The following ESRRG variants were observed in gnomAD, a reference collection of about 807,000 sequenced individuals.
ESRRG encodes the protein estrogen related receptor gamma.
Under a neutral mutation model 44.0 loss-of-function variants are expected in ESRRG, and 13 were observed. The ratio of observed to expected loss-of-function variants is 0.30; its 90% CI spans 0.19 to 0.47. The LOEUF is 0.47. Ranked by LOEUF, ESRRG falls within the 20% of genes least tolerant of loss-of-function variation. ESRRG has a pLI of 1.00. For synonymous variants in ESRRG, 215 were observed against 214.6 expected (o/e 1.00, Z -0.02); for missense variants, 395 against 580.6 (o/e 0.68, Z 3.29).
At chr1:216,653,915 A>G (rs1029801424) in intron 2 of ESRRG, among the ~76,000 whole-genome samples, 7 of 151,304 alleles carry the variant, frequency 4.6e-5, no homozygotes, top group Non-Finnish European at 1.0e-4. Flanking sequence ...GGAGTTCAAG[A>G]CCAGCTTGGC....
At chr1:217,133,631 T>TTCTTTCTTTCTTTCTTTCTTTC (rs1491192210) in intron 1 of ESRRG, among the ~76,000 whole-genome samples, 11 of 58,446 alleles carry the variant, frequency 1.9e-4, no homozygotes, top group Non-Finnish European at 3.5e-4. Context: ...CTTTCTTTCT[T>TTCTTTCTTTCTTTCTTTCTTTC]TCTCTCTCTC....
chr1:216,688,780 TCACTTTCAGAA>T (rs775270034), intron 1 of ESRRG, among the ~76,000 whole-genome samples: 2 of 152,178 alleles, frequency 1.3e-5, no homozygotes, highest in Non-Finnish European at 2.9e-5. Flanking sequence ...TCAAGTTTAG[TCACTTTCAGAA>T]CTGGCTATAA....
chr1:217,081,013 GT>G (rs908487144), intron 1 of ESRRG, among the ~76,000 whole-genome samples: 15 of 152,026 alleles, frequency 9.9e-5, no homozygotes, highest in Non-Finnish European at 1.9e-4. Context: ...AAAGTGTAGA[GT>G]TTTGTTGATC....
intron 2 of ESRRG, among the ~76,000 whole-genome samples, chr1:216,776,576 T>TA (rs36068875): frequency 1.3e-5 from 2 of 152,142 alleles, no homozygotes; most frequent in Non-Finnish European, 2.9e-5. Context: ...AATTATGGAA[T>TA]AAAAAAATGC....
intron 1 of ESRRG, among the ~76,000 whole-genome samples, chr1:216,953,148 T>A (rs1297154180): frequency 1.3e-5 from 2 of 152,138 alleles, no homozygotes; most frequent in Non-Finnish European, 2.9e-5. Flanking sequence ...AGTTCCTCCA[T>A]GCAGAAAGGT....
At chr1:217,102,866 C>T (rs966916083) in intron 1 of ESRRG, among the ~76,000 whole-genome samples, 36 of 151,506 alleles carry the variant, frequency 2.4e-4, no homozygotes, top group East Asian at 1.9e-4. Context: ...CATGTAGGGG[C>T]GGGTGGGAAG....
intron 2 of ESRRG, among the ~76,000 whole-genome samples, chr1:216,857,547 A>C (rs765917454): frequency 3.3e-5 from 5 of 152,008 alleles, no homozygotes; most frequent in East Asian, 1.9e-4. Flanking sequence ...TTTAAAAATA[A>C]ACATTAAAAG....
chr1:216,759,331 G>A (rs1248679243), intron 2 of ESRRG, among the ~76,000 whole-genome samples: 1 of 151,992 alleles, frequency 6.6e-6, no homozygotes, highest in African/African-American at 2.4e-5. Flanking sequence ...GCTTAACGGA[G>A]GGGCTCTGTC....
At chr1:216,877,379 GTTTT>G (rs72314566) in intron 2 of ESRRG, among the ~76,000 whole-genome samples, 1 of 141,052 alleles carries the variant, frequency 7.1e-6, no homozygotes, top group African/African-American at 2.5e-5. Context: ...TAGGTATGGT[GTTTT>G]TTTTTGTTTG....
chr1:216,723,590 C>A, upstream of ESRRG: 1 of 422,516 alleles, frequency 2.4e-6, no homozygotes, highest in South Asian at 3.4e-5. Flanking sequence ...GCGAGAGGAG[C>A]CAGGCAGGTA....
intron 1 of ESRRG, among the ~76,000 whole-genome samples, chr1:216,700,943 G>A (rs2081278956): frequency 6.6e-6 from 1 of 152,092 alleles, no homozygotes; most frequent in Non-Finnish European, 1.5e-5. Context: ...AGGCTGATAA[G>A]GAGTCACACA....
rs183656294 is a variant in ESRRG, at chr1:217,105,182, T to C, written c.-230+32485A>G. Reference sequence around the variant, plus strand: ...CATGATCACCCTTCCTTTGGCCTTGTGGTGACTGGTATCCTAACTTCAATA... The same window carrying C: ...CATGATCACCCTTCCTTTGGCCTTGCGGTGACTGGTATCCTAACTTCAATA... On this transcript the variant is annotated intron_variant, in intron 1 of 8. Transcript: ENST00000366940. Among the ~76,000 whole-genome samples the C allele has an allele frequency of 7.8e-4, 119 of 152,314 alleles. 1 individual carries two copies. The highest frequency in any genetic ancestry group is 1.4e-3 in the Non-Finnish European group (97 of 68,018).
chr1:216,658,805 C>T (rs956358210), intron 2 of ESRRG, among the ~76,000 whole-genome samples: 37 of 149,310 alleles, frequency 2.5e-4, no homozygotes, highest in African/African-American at 9.2e-4. Context: ...TGCAGCCCAG[C>T]CTGGGTGTGA....
intron 3 of ESRRG, among the ~76,000 whole-genome samples, chr1:216,594,033 T>C (rs1165366790): frequency 2.0e-5 from 3 of 152,168 alleles, no homozygotes; most frequent in African/African-American, 2.4e-5. Context: ...TTTAATAGTA[T>C]GAATTCTGAA....
intron 2 of ESRRG, among the ~76,000 whole-genome samples, chr1:216,803,152 G>T (rs1012221540): frequency 2.0e-5 from 3 of 152,070 alleles, no homozygotes; most frequent in Non-Finnish European, 2.9e-5. Flanking sequence ...TGGTAAGAAC[G>T]TGGGGTGGAT....
rs538787941 is a variant in ESRRG, at chr1:216,950,633, G to A, written c.-105-10960C>T. 3.3e-4 allele frequency among the ~76,000 whole-genome samples: 51 copies of A among 152,280 alleles called. No homozygotes were observed. The East Asian group carries it at 9.7e-3, about 29-fold the overall frequency. On this transcript the variant is annotated intron_variant, in intron 1 of 7. Coordinates refer to the ESRRG transcript ENST00000359162. ...ATCAAAGTAAAGACCTAGGTTGAGT[G>A]CAAAAGGTTAAACAAAAACTCAATT...
intron 3 of ESRRG, among the ~76,000 whole-genome samples, chr1:216,592,688 T>C (rs561566615): frequency 1.3e-5 from 2 of 152,116 alleles, no homozygotes; most frequent in Non-Finnish European, 2.9e-5. Flanking sequence ...TTAGTAGAGA[T>C]GGTGTTTCTC....
chr1:216,870,519 T>C (rs2096245481), intron 2 of ESRRG, among the ~76,000 whole-genome samples: 1 of 152,100 alleles, frequency 6.6e-6, no homozygotes, highest in South Asian at 2.1e-4. Context: ...TCTGGCCTCG[T>C]AAAATGAACT....
intron 2 of ESRRG, among the ~76,000 whole-genome samples, chr1:216,939,364 A>AAAAAC (rs1553720876): frequency 2.2e-5 from 3 of 133,730 alleles, no homozygotes; most frequent in Admixed American, 7.3e-5. Context: ...AAAAAAAAAA[A>AAAAAC]AAAAAACACT....
Sources: allele counts gnomAD v4.1 joint callset (sites outside exome capture counted in the v4.1 genomes callset), GRCh38; gene constraint gnomAD v4.1.1; transcripts MANE v1.5; gene names NCBI Gene and HGNC (gene_info 2026-07-23, HGNC 2026-07-21).